SH3GLB1: variants seen among roughly 807,000 people sequenced by gnomAD.
SH3GLB1 encodes SH3 domain containing GRB2 like, endophilin B1.
Under a neutral mutation model 42.0 loss-of-function variants are expected in SH3GLB1, and 17 were observed. The ratio of observed to expected loss-of-function variants is 0.40; its 90% CI spans 0.28 to 0.61. SH3GLB1 has a LOEUF of 0.61. Ranked by LOEUF, SH3GLB1 falls within the 20% of genes least tolerant of loss-of-function variation. SH3GLB1 has a pLI of 0.36. For synonymous variants in SH3GLB1, 132 were observed against 146.6 expected, an observed-to-expected ratio of 0.90 and a Z score of 0.72; for missense variants, 355 against 426.3, an observed-to-expected ratio of 0.83 and a Z score of 1.47.
chr1:86,704,631 C>T lies in SH3GLB1; in HGVS notation c.-269C>T, dbSNP rs904786024. The stretch of plus-strand genomic sequence containing the variant: ...CGGGGTCGCCCGTCCATCTCCGGCT[C>T]GCCCGCGGGGCCCATCGTCGACGTT... On this transcript the variant is annotated 5_prime_UTR_variant, in exon 1 of 9. Transcript: ENST00000370558. The T allele has an allele frequency of 3.0e-5, 10 of 330,464 alleles. No homozygotes were observed. The highest frequency in any genetic ancestry group is 6.5e-5 in the East Asian group (1 of 15,464). 20.5% of individuals were successfully genotyped at this position (330,464 alleles called of 1,614,324 possible).
chr1:86,710,697 T>C (rs1570406831), intron 1 of SH3GLB1, among the ~76,000 whole-genome samples: 1 of 152,346 alleles, frequency 6.6e-6, no homozygotes, highest in East Asian at 1.9e-4. Context: ...TCAATTACTT[T>C]AATATTCTTT....
intron 1 of SH3GLB1, among the ~76,000 whole-genome samples, chr1:86,709,798 A>G (rs35940972): frequency 0.05 from 7,687 of 152,324 alleles, 250 homozygotes; most frequent in South Asian, 0.077. Context: ...TCTAAGGAAT[A>G]TAGTTCTTAA....
chr1:86,745,335 A>T lies in SH3GLB1; in HGVS notation c.*2100A>T, dbSNP rs1414889552. On this transcript the variant is annotated 3_prime_UTR_variant, in exon 9 of 9. Transcript: ENST00000370558. ...GGGAAAGGCTTGGCACATAGTAAACACATCCTGTAAATATCAGTTTCCCCT... is the reference window on the plus strand; with the variant it reads ...GGGAAAGGCTTGGCACATAGTAAACTCATCCTGTAAATATCAGTTTCCCCT... 6.6e-6 allele frequency: 1 copy of T among 152,264 alleles called. No homozygotes were observed. The highest frequency in any genetic ancestry group is 1.5e-5 in the Non-Finnish European group (1 of 68,050). 9.4% of individuals were successfully genotyped at this position (152,264 alleles called of 1,614,324 possible).
rs115786910 is a variant in SH3GLB1, at chr1:86,743,377, A to G, written c.*142A>G. ...CCATCAGAAACTGGCCTTTCTGCCA[A>G]TAAAGTTGCATGGTAAATATTTCAT... is the stretch of plus-strand genomic sequence containing the variant. On this transcript the variant is annotated 3_prime_UTR_variant, in exon 9 of 9. Transcript: ENST00000370558. 1.3e-3 allele frequency: 567 copies of G among 436,942 alleles called. 2 individuals are homozygous for G. The highest frequency in any genetic ancestry group is 0.01 in the African/African-American group (515 of 49,342). 27.1% of individuals were successfully genotyped at this position (436,942 alleles called of 1,614,324 possible).
At chr1:86,737,545 T>G (rs1655837238) in intron 7 of SH3GLB1, among the ~76,000 whole-genome samples, 2 of 152,184 alleles carry the variant, frequency 1.3e-5, no homozygotes, top group Admixed American at 1.3e-4. Flanking sequence ...GTCTTAATTT[T>G]AGAGAGGAAA....
chr1:86,719,664 G>A (rs757621138), intron 3 of SH3GLB1, 29 bp downstream of exon 3: 1 of 1,597,414 alleles, frequency 6.3e-7, no homozygotes, highest in African/African-American at 1.4e-5. Context: ...GTTCTAATAA[G>A]GGATATCTTT....
chr1:86,705,081 C>A, intron 1 of SH3GLB1, 110 bp downstream of exon 1: 1 of 700,546 alleles, frequency 1.4e-6, no homozygotes, highest in Non-Finnish European at 2.3e-6. Flanking sequence ...AGCGGGCCTG[C>A]TGCAGCCAGA....
intron 1 of SH3GLB1, among the ~76,000 whole-genome samples, chr1:86,711,415 T>C (rs2101916357): frequency 6.6e-6 from 1 of 152,256 alleles, no homozygotes; most frequent in East Asian, 1.9e-4. Context: ...ACTTTTATTC[T>C]TATGCCACTT....
Position 86,747,600 on chromosome 1 carries a change from T to TG in SH3GLB1, c.*4366dup, listed in dbSNP as rs1468965437. The TG allele has an allele frequency of 1.1e-4, 16 of 152,332 alleles. No homozygotes were observed. Among genetic ancestry groups the TG allele is most frequent in the Admixed American group, 9.2e-4 (14 of 15,296 alleles). The allele number at this position is 152,332 out of a possible 1,614,324, so 9.4% of individuals were successfully genotyped here. On this transcript the variant is annotated 3_prime_UTR_variant, in exon 9 of 9. Coordinates refer to ENST00000370558, the MANE Select transcript of SH3GLB1 (RefSeq NM_016009.5). ...TCATAGTGGGAAGTATTGCTTAGAA[T>TG]GCCAGTACTTGTTTGCTGTGGAAGG...
rs558020933 is a variant in SH3GLB1, at chr1:86,705,367, T to TAAA, written c.72+396_72+397insAAA. ...CCATTCTTGCACTACCCCCCACCCT[T>TAAA]TCCTTTCGTCTCTCACCCTCCCCTC... On this transcript the variant is annotated intron_variant, in intron 1 of 8. Transcript: ENST00000370558. 2.6e-4 allele frequency among the ~76,000 whole-genome samples: 40 copies of TAAA among 152,170 alleles called. 1 individual carries two copies. In the South Asian group the frequency reaches 8.3e-3, roughly 32 times the overall value.
At chr1:86,711,352 GACA>G (rs1183761756) in intron 1 of SH3GLB1, among the ~76,000 whole-genome samples, 10 of 151,900 alleles carry the variant, frequency 6.6e-5, no homozygotes, top group Admixed American at 6.6e-4. Context: ...CCGACTCAAA[GACA>G]ATTCTTTCCG....
chr1:86,746,885 T>A lies in SH3GLB1; in HGVS notation c.*3650T>A, dbSNP rs1656333841. 1 of 152,150 alleles carries A rather than the reference T, an allele frequency of 6.6e-6. No individual in the cohort carries two copies. Among genetic ancestry groups the A allele is most frequent in the Admixed American group, 6.6e-5 (1 of 15,262 alleles). The allele number at this position is 152,150 out of a possible 1,614,324, so 9.4% of individuals were successfully genotyped here. Reference sequence around the variant, plus strand: ...TCTTGTCTCAAGGAAAGAAAAAATGTCTACTCAGTAGAGCAGTGATTGGCA... The same window carrying A: ...TCTTGTCTCAAGGAAAGAAAAAATGACTACTCAGTAGAGCAGTGATTGGCA... On this transcript the variant is annotated 3_prime_UTR_variant, in exon 9 of 9. Coordinates refer to ENST00000370558, the MANE Select transcript of SH3GLB1 (RefSeq NM_016009.5).
intron 3 of SH3GLB1, among the ~76,000 whole-genome samples, chr1:86,722,118 T>A (rs1654896455): frequency 1.3e-5 from 2 of 150,614 alleles, no homozygotes; most frequent in African/African-American, 2.5e-5. Context: ...TTGGAGTAGC[T>A]GGGACTGCAG....
rs544870156 is a variant in SH3GLB1, at chr1:86,723,108, C to T, written c.477+435C>T. Among the ~76,000 whole-genome samples the T allele has an allele frequency of 1.1e-4, 16 of 152,278 alleles. No individual in the cohort carries two copies. In the East Asian group the frequency reaches 2.1e-3, roughly 20 times the overall value. On this transcript the variant is annotated intron_variant, in intron 4 of 8. Coordinates refer to ENST00000370558, the MANE Select transcript of SH3GLB1 (RefSeq NM_016009.5). Reference sequence around the variant, plus strand: ...ACTTCAAACTTTAATTTGCAGATTTCCTATTACAATATATTATAGAAACTT... The same window carrying T: ...ACTTCAAACTTTAATTTGCAGATTTTCTATTACAATATATTATAGAAACTT...
chr1:86,719,515 A>G lies in SH3GLB1; in HGVS notation c.223A>G (p.Ile75Val), dbSNP rs1176678218. The G allele has an allele frequency of 6.2e-7, 1 of 1,609,802 alleles. No individual in the cohort carries two copies. Residue 75 changes from isoleucine to valine, a missense_variant, in exon 3 of 9, where the codon ATA becomes GTA. Ile to Val is a conservative substitution (Grantham distance 29). Coordinates refer to ENST00000370558, the MANE Select transcript of SH3GLB1 (RefSeq NM_016009.5). ...VLLQPNPNAR[I>V]EEFVYEKLDR... ...TTTAACCTTTCTCCTAGATGCCAGGATAGAAGAATTTGTTTATGAGAAACT... is the reference window on the plus strand; with the variant it reads ...TTTAACCTTTCTCCTAGATGCCAGGGTAGAAGAATTTGTTTATGAGAAACT...
At chr1:86,724,912 T>TATATATATATATATATATATATATATAA (rs1380448898) in intron 5 of SH3GLB1, among the ~76,000 whole-genome samples, 4 of 123,126 alleles carry the variant, frequency 3.2e-5, no homozygotes, top group South Asian at 2.3e-4. Context: ...TATATATATA[T>TATATATATATATATATATATATATATAA]AAAATATATA....
chr1:86,725,941 A>C (rs1201692370), intron 5 of SH3GLB1, among the ~76,000 whole-genome samples: 3 of 152,146 alleles, frequency 2.0e-5, no homozygotes. Context: ...TTATCATTAC[A>C]TCATTATCAC....
intron 1 of SH3GLB1, among the ~76,000 whole-genome samples, chr1:86,708,308 T>G (rs1653994240): frequency 6.6e-6 from 1 of 152,160 alleles, no homozygotes; most frequent in Non-Finnish European, 1.5e-5. Flanking sequence ...TATGCCAATA[T>G]CTCTTTATAA....
intron 3 of SH3GLB1, among the ~76,000 whole-genome samples, chr1:86,720,529 A>G (rs1424009097): frequency 1.3e-5 from 2 of 152,210 alleles, no homozygotes; most frequent in Non-Finnish European, 2.9e-5. Flanking sequence ...CTGAAGCTCA[A>G]AGTTACATAC....
Sources: gnomAD v4.1 joint callset for allele counts (sites outside exome capture counted in the v4.1 genomes callset) on GRCh38, gnomAD v4.1.1 for gene constraint, MANE v1.5 for transcripts, NCBI Gene and HGNC (gene_info 2026-07-23, HGNC 2026-07-21) for gene names.